Variants in FRYL observed in about 807,000 individuals in gnomAD.
FRYL encodes FRY like transcription coactivator.
FRYL carries 150 observed loss-of-function variants against 351.2 expected under a neutral mutation model. The observed-to-expected ratio is 0.43, with a 90% CI of 0.37 to 0.49. The LOEUF is 0.49. Among genes scored for constraint, FRYL ranks in the 20% least tolerant of loss-of-function variants. The pLI, the probability that FRYL is intolerant of heterozygous loss-of-function variation, is 0.00. For synonymous variants in FRYL, 1,153 were observed against 1,257.1 expected, an observed-to-expected ratio of 0.92 and a Z score of 1.75; for missense variants, 3,036 against 3,619.3, an observed-to-expected ratio of 0.84 and a Z score of 4.13.
intron 1 of FRYL, among the ~76,000 whole-genome samples, chr4:48,761,219 G>A (rs1254315782): frequency 6.6e-6 from 1 of 152,098 alleles, no homozygotes; most frequent in African/African-American, 2.4e-5. Context: ...AGGCTTTGGT[G>A]AATGAGAAGA....
At chr4:48,763,804 TG>T (rs1774659304) in intron 1 of FRYL, among the ~76,000 whole-genome samples, 1 of 152,176 alleles carries the variant, frequency 6.6e-6, no homozygotes, top group Non-Finnish European at 1.5e-5. Context: ...GAAGTAAAAC[TG>T]TATGTTTTTA....
chr4:48,661,424 G>A (rs529547113), intron 3 of FRYL, among the ~76,000 whole-genome samples: 30 of 152,322 alleles, frequency 2.0e-4, no homozygotes, highest in Admixed American at 5.9e-4. Context: ...CAGGACTACA[G>A]TACAGGAAGG....
chr4:48,701,887 G>A (rs1460757877), intron 2 of FRYL, among the ~76,000 whole-genome samples: 9 of 152,090 alleles, frequency 5.9e-5, no homozygotes, highest in East Asian at 3.9e-4. Context: ...CTCTAATATC[G>A]TCATACTGTC....
chr4:48,508,520 C>T (rs1378365515), intron 59 of FRYL, among the ~76,000 whole-genome samples: 1 of 152,120 alleles, frequency 6.6e-6, no homozygotes, highest in Non-Finnish European at 1.5e-5. Flanking sequence ...TAAATGGTAT[C>T]TATTGCTTTA....
Position 48,499,088 on chromosome 4 carries a change from G to T in FRYL, c.*334C>A. On this transcript the variant is annotated 3_prime_UTR_variant, in exon 64 of 64. Coordinates refer to ENST00000358350, the MANE Select transcript of FRYL (RefSeq NM_015030.2). ...TGCTTTTGGTTGTTTCAGTATTGGA[G>T]GCCATTATTGCAAACATTCTTGGAA... 9.4e-6 allele frequency: 2 copies of T among 213,780 alleles called. No individual in the cohort carries two copies. The highest frequency in any genetic ancestry group is 1.9e-5 in the Non-Finnish European group (2 of 106,012). 13.2% of individuals were successfully genotyped at this position (213,780 alleles called of 1,614,324 possible).
chr4:48,605,873 G>A (rs773004659), intron 10 of FRYL, 40 bp from the exon 11 acceptor site: 8 of 1,209,578 alleles, frequency 6.6e-6, no homozygotes, highest in African/African-American at 4.7e-5. Flanking sequence ...TAACAAAAGA[G>A]GAAAGGTTAA....
chr4:48,757,501 G>T (rs1399762178), intron 1 of FRYL, among the ~76,000 whole-genome samples: 2 of 152,098 alleles, frequency 1.3e-5, no homozygotes, highest in African/African-American at 4.8e-5. Flanking sequence ...TTGCTTCAAA[G>T]AGAATAAAAT....
chr4:48,624,838 AGG>A (rs1380764217), intron 4 of FRYL, among the ~76,000 whole-genome samples: 2 of 152,200 alleles, frequency 1.3e-5, no homozygotes, highest in African/African-American at 4.8e-5. Flanking sequence ...AGTCAGCTGA[AGG>A]CCTGAACAGA....
Position 48,502,854 on chromosome 4 carries a change from G to T in FRYL, c.8464-9C>A. On this transcript the variant is annotated splice_polypyrimidine_tract_variant and intron_variant, in intron 60 of 63. Transcript: ENST00000358350. ...GCTAGTATTTCCATTTGCTAAGCAAGAAGGTGATCAGGTCACAAAAAATAC... is the reference window on the plus strand; with the variant it reads ...GCTAGTATTTCCATTTGCTAAGCAATAAGGTGATCAGGTCACAAAAAATAC... 1 of 1,608,390 alleles carries T rather than the reference G, an allele frequency of 6.2e-7. No homozygotes were observed. Among genetic ancestry groups the T allele is most frequent in the Non-Finnish European group, 8.5e-7 (1 of 1,176,234 alleles).
intron 1 of FRYL, among the ~76,000 whole-genome samples, chr4:48,725,838 T>C (rs893057435): frequency 4.6e-5 from 7 of 151,598 alleles, no homozygotes; most frequent in African/African-American, 1.2e-4. Flanking sequence ...TACTGCGCCT[T>C]ATTTAGGAAT....
chr4:48,734,128 CAAA>C (rs1471934020), intron 1 of FRYL, among the ~76,000 whole-genome samples: 2 of 151,778 alleles, frequency 1.3e-5, no homozygotes, highest in Non-Finnish European at 2.9e-5. Flanking sequence ...CAGAGTGGAT[CAAA>C]AAAACAAGAC....
chr4:48,757,728 C>G (rs1423293472), intron 1 of FRYL, among the ~76,000 whole-genome samples: 1 of 151,958 alleles, frequency 6.6e-6, no homozygotes, highest in Non-Finnish European at 1.5e-5. Context: ...TTCACAGAAT[C>G]GGAAAAAACT....
chr4:48,717,362 C>T (rs1288786517), intron 1 of FRYL, among the ~76,000 whole-genome samples: 1 of 151,546 alleles, frequency 6.6e-6, no homozygotes, highest in East Asian at 1.9e-4. Flanking sequence ...TATGAAATGT[C>T]CATAATAGAC....
chr4:48,773,380 C>T (rs570886007), intron 1 of FRYL, among the ~76,000 whole-genome samples: 1 of 152,174 alleles, frequency 6.6e-6, no homozygotes, highest in African/African-American at 2.4e-5. Context: ...TTTTTTTAAC[C>T]AGTAAGGGGC....
intron 1 of FRYL, among the ~76,000 whole-genome samples, chr4:48,758,417 A>C (rs1283973242): frequency 1.3e-5 from 2 of 152,180 alleles, no homozygotes; most frequent in Admixed American, 1.3e-4. Context: ...AAAAGTGGGC[A>C]AAGGATATGA....
intron 17 of FRYL, among the ~76,000 whole-genome samples, chr4:48,590,180 C>T (rs1454982994): frequency 6.6e-6 from 1 of 151,956 alleles, no homozygotes; most frequent in Admixed American, 6.5e-5. Flanking sequence ...TGACTATTAT[C>T]AAAAAAACGT....
At chr4:48,594,037 T>C in intron 15 of FRYL, 21 bp from the exon 16 acceptor site, 1 of 1,134,454 alleles carries the variant, frequency 8.8e-7, no homozygotes, top group Non-Finnish European at 1.2e-6. Flanking sequence ...AAAAAATCCT[T>C]ATAACTTGCT....
At chr4:48,603,013 C>T (rs75805723) in intron 12 of FRYL, among the ~76,000 whole-genome samples, 3,276 of 152,182 alleles carry the variant, frequency 0.022, 116 homozygotes, top group African/African-American at 0.074. Context: ...AATAGCCTAA[C>T]GACACATTTC....
intron 1 of FRYL, among the ~76,000 whole-genome samples, chr4:48,732,516 G>A (rs887902322): frequency 1.7e-4 from 26 of 152,190 alleles, no homozygotes; most frequent in African/African-American, 6.3e-4. Context: ...GCAAAGACTT[G>A]GAACCAACCC....
Sources: gnomAD v4.1 joint callset for allele counts (sites outside exome capture counted in the v4.1 genomes callset) on GRCh38, gnomAD v4.1.1 for gene constraint, MANE v1.5 for transcripts, NCBI Gene and HGNC (gene_info 2026-07-23, HGNC 2026-07-21) for gene names.